The following GPM6A variants were observed in gnomAD, a reference collection of about 807,000 sequenced individuals.
GPM6A encodes glycoprotein M6A, also known as neuronal membrane glycoprotein M6-a.
In GPM6A, 7 loss-of-function variants were observed where a neutral mutation model predicts 32.1. The ratio of observed to expected loss-of-function variants is 0.22; its 90% CI spans 0.12 to 0.41. GPM6A has a LOEUF of 0.41. GPM6A is among the 10% of genes least tolerant of loss of function. The probability of loss-of-function intolerance (pLI) is 1.00; values close to 1 mark genes in which losing one functional copy is unlikely to be tolerated. For missense variants in GPM6A, 235 were observed against 347.2 expected (o/e 0.68, Z 2.57); for synonymous variants, 130 against 123.4 (o/e 1.05, Z -0.35).
At chr4:175,979,737 T>A (rs1367949874) in intron 1 of GPM6A, among the ~76,000 whole-genome samples, 1 of 152,224 alleles carries the variant, frequency 6.6e-6, no homozygotes, top group Non-Finnish European at 1.5e-5. Flanking sequence ...TAGGCTATGA[T>A]GCTGAAAATA....
chr4:175,747,827 G>T (rs1185152259), intron 1 of GPM6A, among the ~76,000 whole-genome samples: 1 of 152,042 alleles, frequency 6.6e-6, no homozygotes, highest in East Asian at 1.9e-4. Flanking sequence ...TTTCACAAAA[G>T]ATTTCTCTGT....
chr4:175,873,487 A>T (rs1392654585), intron 1 of GPM6A, among the ~76,000 whole-genome samples: 1 of 152,274 alleles, frequency 6.6e-6, no homozygotes, highest in East Asian at 1.9e-4. Context: ...ATTTTCCACA[A>T]ATCAATGGGA....
intron 1 of GPM6A, among the ~76,000 whole-genome samples, chr4:175,837,137 G>A (rs1183967632): frequency 6.6e-6 from 1 of 152,086 alleles, no homozygotes; most frequent in Non-Finnish European, 1.5e-5. Context: ...AAGAGAGAGA[G>A]AGAGAGAGTG....
chr4:175,939,268 G>A lies in GPM6A; in HGVS notation c.-23+63041C>T, dbSNP rs1579645708. Among the ~76,000 whole-genome samples the A allele has an allele frequency of 3.3e-5, 5 of 152,184 alleles. No homozygotes were observed. The South Asian group carries it at 6.2e-4, about 19-fold the overall frequency. On this transcript the variant is annotated intron_variant, in intron 1 of 7. Coordinates refer to the GPM6A transcript ENST00000280187. ...CTGCTGCAGGGCCAAAGAGCCCTGA[G>A]GGGGTAAAACAATAGGCAAGCTCGT...
intron 1 of GPM6A, among the ~76,000 whole-genome samples, chr4:175,716,820 G>A (rs968169101): frequency 6.6e-6 from 1 of 152,080 alleles, no homozygotes; most frequent in Non-Finnish European, 1.5e-5. Flanking sequence ...ATGATCACAA[G>A]TTATTTACTA....
chr4:175,751,012 A>G (rs1358070400), intron 1 of GPM6A, among the ~76,000 whole-genome samples: 1 of 152,216 alleles, frequency 6.6e-6, no homozygotes, highest in African/African-American at 2.4e-5. Context: ...TCAGTAATAA[A>G]CATCATAGAT....
chr4:175,755,615 A>G (rs10016635), intron 1 of GPM6A, among the ~76,000 whole-genome samples: 14,628 of 152,186 alleles, frequency 0.096, 755 homozygotes, highest in East Asian at 0.13. Flanking sequence ...GAAAGTATAA[A>G]TTTGCTTCTA....
intron 2 of GPM6A, among the ~76,000 whole-genome samples, chr4:175,680,701 G>A (rs1460408692): frequency 1.3e-5 from 2 of 152,116 alleles, no homozygotes; most frequent in African/African-American, 4.8e-5. Context: ...TTTCTATCCT[G>A]TCCGTCCTGT....
chr4:175,692,906 C>T (rs1744375423), intron 2 of GPM6A, among the ~76,000 whole-genome samples: 1 of 151,922 alleles, frequency 6.6e-6, no homozygotes, highest in Non-Finnish European at 1.5e-5. Context: ...TCTCTTTTTA[C>T]CTTTATATTC....
chr4:175,811,012 T>A (rs966026683), intron 1 of GPM6A, among the ~76,000 whole-genome samples: 1 of 152,170 alleles, frequency 6.6e-6, no homozygotes. Flanking sequence ...CTCTTGCTTA[T>A]ATAAAACCTT....
At chr4:175,787,251 G>A in intron 1 of GPM6A, 1 of 767,168 alleles carries the variant, frequency 1.3e-6, no homozygotes, top group Non-Finnish European at 2.2e-6. Flanking sequence ...TATTTAATGA[G>A]GCATGCACTA....
intron 1 of GPM6A, among the ~76,000 whole-genome samples, chr4:175,970,484 C>T (rs980152785): frequency 6.6e-6 from 1 of 152,130 alleles, no homozygotes; most frequent in Admixed American, 6.5e-5. Flanking sequence ...TGTGTTATAA[C>T]ATATGTATTT....
intron 1 of GPM6A, among the ~76,000 whole-genome samples, chr4:175,923,022 G>A (rs991457486): frequency 1.6e-4 from 24 of 151,554 alleles, no homozygotes; most frequent in Non-Finnish European, 2.8e-4. Context: ...TATAATCCAC[G>A]CTTGTTATTT....
intron 1 of GPM6A, among the ~76,000 whole-genome samples, chr4:175,928,936 G>A (rs1738935550): frequency 6.6e-6 from 1 of 152,192 alleles, no homozygotes. Context: ...GGATACAGTT[G>A]TCTGAGAATA....
intron 1 of GPM6A, among the ~76,000 whole-genome samples, chr4:175,992,617 T>C (rs1280917633): frequency 6.6e-6 from 1 of 152,208 alleles, no homozygotes; most frequent in African/African-American, 2.4e-5. Flanking sequence ...ATAAGAACAA[T>C]TATCTCCTGA....
At chr4:175,963,602 G>A (rs1237207694) in intron 1 of GPM6A, among the ~76,000 whole-genome samples, 4 of 152,104 alleles carry the variant, frequency 2.6e-5, no homozygotes, top group Non-Finnish European at 5.9e-5. Context: ...GAGGATGTTT[G>A]TGCTGGTAGA....
At chr4:175,656,767 T>G (rs1455065141) in intron 3 of GPM6A, among the ~76,000 whole-genome samples, 1 of 152,188 alleles carries the variant, frequency 6.6e-6, no homozygotes, top group Non-Finnish European at 1.5e-5. Context: ...CTGTGGCAAC[T>G]TCAGCAGATG....
At chr4:175,670,462 GA>G (rs1742992943) in intron 3 of GPM6A, among the ~76,000 whole-genome samples, 1 of 152,102 alleles carries the variant, frequency 6.6e-6, no homozygotes, top group African/African-American at 2.4e-5. Flanking sequence ...ACTTTAATAA[GA>G]AAATATGGTT....
chr4:175,841,610 C>A (rs1165895512), intron 1 of GPM6A, among the ~76,000 whole-genome samples: 1 of 152,112 alleles, frequency 6.6e-6, no homozygotes, highest in African/African-American at 2.4e-5. Flanking sequence ...AAAGGGCCAG[C>A]ACACTTCTGC....
Sources: allele counts gnomAD v4.1 joint callset (sites outside exome capture counted in the v4.1 genomes callset), GRCh38; gene constraint gnomAD v4.1.1; transcripts MANE v1.5; gene names NCBI Gene and HGNC (gene_info 2026-07-23, HGNC 2026-07-21).